The following C2CD3 variants were observed in gnomAD, a reference collection of about 807,000 sequenced individuals.
The protein encoded by C2CD3 is C2 domain-containing protein 3.
A neutral mutation model predicts 234.0 loss-of-function variants in C2CD3; 148 were observed. That is an observed-to-expected ratio of 0.63 (90% CI 0.55 to 0.72). The LOEUF is 0.72. Among genes scored for constraint, C2CD3 ranks in the 30% least tolerant of loss-of-function variants. The pLI is 0.00. For synonymous variants in C2CD3, 1,000 were observed against 1,035.4 expected, an observed-to-expected ratio of 0.97 and a Z score of 0.66; for missense variants, 2,577 against 2,811.5, an observed-to-expected ratio of 0.92 and a Z score of 1.89.
At chr11:74,138,676 A>T (rs968446795) in intron 5 of C2CD3, 44 bp downstream of exon 5, 30 of 1,524,278 alleles carry the variant, frequency 2.0e-5, no homozygotes, top group Non-Finnish European at 2.6e-5. Context: ...GAGCAATCCC[A>T]TAAACGTAGT....
chr11:74,139,076 C>T lies in C2CD3; in HGVS notation c.708-109G>A, dbSNP rs1051028118. On this transcript the variant is annotated intron_variant, in intron 4 of 32. Coordinates refer to ENST00000334126, the MANE Select transcript of C2CD3 (RefSeq NM_001286577.2). Reference sequence around the variant, plus strand: ...AGTGGTTTTGGCAAGGTAGTTTGGACCTCAAAAAGCGTGACTTATTTGCAA... The same window carrying T: ...AGTGGTTTTGGCAAGGTAGTTTGGATCTCAAAAAGCGTGACTTATTTGCAA... 6 of 838,980 alleles carry T rather than the reference C, an allele frequency of 7.2e-6. No homozygotes were observed. In the African/African-American group the frequency reaches 1.0e-4, roughly 14 times the overall value. 52.0% of individuals were successfully genotyped at this position (838,980 alleles called of 1,614,324 possible).
intron 15 of C2CD3, 56 bp from the exon 16 acceptor site, chr11:74,098,311 G>C: frequency 6.5e-7 from 1 of 1,542,724 alleles, no homozygotes; most frequent in Non-Finnish European, 8.8e-7. Flanking sequence ...ATGTCATAGA[G>C]TTATTTCTTT....
chr11:74,111,238 T>C (rs1313183551), intron 11 of C2CD3, among the ~76,000 whole-genome samples: 1 of 152,124 alleles, frequency 6.6e-6, no homozygotes, highest in African/African-American at 2.4e-5. Flanking sequence ...ATTCCTAAGA[T>C]ATAATGTTAA....
At position 74,138,997 on chromosome 11, in the gene C2CD3, A is replaced by G. The variant is rs200852782; in HGVS notation, c.708-30T>C. The G allele has an allele frequency of 7.7e-6, 12 of 1,566,260 alleles. No individual in the cohort carries two copies. In the East Asian group the frequency reaches 2.5e-4, roughly 32 times the overall value. On this transcript the variant is annotated intron_variant, in intron 4 of 32. Coordinates refer to ENST00000334126, the MANE Select transcript of C2CD3 (RefSeq NM_001286577.2). ...TTTTTTAAAAAGGGAGAACATCAGC[A>G]ATATATAATCTATTATGGTAACATT...
intron 22 of C2CD3, among the ~76,000 whole-genome samples, chr11:74,083,173 CA>C (rs947411396): frequency 3.8e-4 from 58 of 152,168 alleles, no homozygotes; most frequent in African/African-American, 1.3e-3. Context: ...AGAAACCTGA[CA>C]AAAACAAGAA....
chr11:74,159,063 G>C (rs1178498889), intron 3 of C2CD3, among the ~76,000 whole-genome samples: 2 of 152,060 alleles, frequency 1.3e-5, no homozygotes, highest in Non-Finnish European at 2.9e-5. Flanking sequence ...TACGACAGTG[G>C]TCCCATAAGA....
intron 3 of C2CD3, among the ~76,000 whole-genome samples, chr11:74,151,870 A>G (rs1467453353): frequency 6.6e-6 from 1 of 152,186 alleles, no homozygotes; most frequent in East Asian, 1.9e-4. Context: ...AGAAAAAAAG[A>G]AAATGTACAT....
chr11:74,033,461 G>A lies in C2CD3; in HGVS notation c.6699C>T (p.Ala2233=). 3.3e-6 allele frequency: 5 copies of A among 1,536,208 alleles called. No homozygotes were observed. The highest frequency in any genetic ancestry group is 4.4e-6 in the Non-Finnish European group (5 of 1,146,924). ...TATGGTTTTCCCTTCTGCTCTGGGAGGCTAGATTTAGCGGCAACTTCTTGA... is the reference window on the plus strand; with the variant it reads ...TATGGTTTTCCCTTCTGCTCTGGGAAGCTAGATTTAGCGGCAACTTCTTGA... ...DSFKKLPLNL[A]SQSRRENHKG... The change falls in exon 31 of 33, where the codon GCC becomes GCT. Residue 2233 remains alanine (A), a synonymous_variant. Transcript: ENST00000334126.
chr11:74,085,946 T>C, intron 20 of C2CD3, 60 bp from the exon 21 acceptor site: 1 of 1,492,308 alleles, frequency 6.7e-7, no homozygotes, highest in Non-Finnish European at 9.0e-7. Flanking sequence ...ATCAGCTTGA[T>C]TTTCTAGAAA....
At chr11:74,113,756 G>T in intron 11 of C2CD3, 24 bp downstream of exon 11, 3 of 1,279,232 alleles carry the variant, frequency 2.3e-6, no homozygotes, top group South Asian at 1.2e-5. Context: ...TGTCTAAGGT[G>T]CAGAAAACCA....
chr11:74,128,530 T>C (rs1023174141), intron 7 of C2CD3: 5 of 152,604 alleles, frequency 3.3e-5, no homozygotes, highest in African/African-American at 1.2e-4. Context: ...AGCTGTTTGA[T>C]ACATTTTATT....
At chr11:74,051,710 G>A (rs930879198) in intron 26 of C2CD3, among the ~76,000 whole-genome samples, 1 of 152,100 alleles carries the variant, frequency 6.6e-6, no homozygotes, top group African/African-American at 2.4e-5. Context: ...GACATCCTAA[G>A]TCTGGGTTAG....
At chr11:74,098,280 A>G (rs1359259949) in intron 15 of C2CD3, 25 bp from the exon 16 acceptor site, 2 of 1,607,816 alleles carry the variant, frequency 1.2e-6, no homozygotes, top group Non-Finnish European at 8.5e-7. Context: ...ATTGTGAATA[A>G]GCAAATAACA....
Position 74,028,397 on chromosome 11 carries a change from G to A in C2CD3, c.6811C>T (p.Pro2271Ser). 6.5e-7 allele frequency: 1 copy of A among 1,531,796 alleles called. No individual in the cohort carries two copies. Among genetic ancestry groups the A allele is most frequent in the Non-Finnish European group, 8.7e-7 (1 of 1,143,654 alleles). 94.9% of individuals were successfully genotyped at this position (1,531,796 alleles called of 1,614,324 possible). ...AAGTTGGGCACCACAATGGGCCCTG[G>A]GCTACAATGGTAGTTAAGGGACAAA... ...ETSTKQSLLL[P>S]GPIVVPNFFL... Residue 2271 changes from proline (P) to serine (S), a missense_variant and splice_region_variant, in exon 32 of 33, where the codon CCA (proline) becomes TCA (serine). Coordinates refer to ENST00000334126, the MANE Select transcript of C2CD3 (RefSeq NM_001286577.2).
chr11:74,082,202 G>A (rs575434007), intron 22 of C2CD3, among the ~76,000 whole-genome samples: 1 of 148,256 alleles, frequency 6.7e-6, no homozygotes, highest in East Asian at 2.0e-4. Context: ...TAAATACTCC[G>A]CCTCCCGGGT....
intron 24 of C2CD3, among the ~76,000 whole-genome samples, chr11:74,073,577 A>C (rs1180392100): frequency 7.6e-6 from 1 of 130,766 alleles, no homozygotes; most frequent in Non-Finnish European, 1.6e-5. Flanking sequence ...ACAGAGCAAG[A>C]CTTTGTTTCA....
chr11:74,072,290 G>A (rs1954832295), intron 24 of C2CD3, among the ~76,000 whole-genome samples: 1 of 152,192 alleles, frequency 6.6e-6, no homozygotes, highest in South Asian at 2.1e-4. Context: ...CATTATGGAA[G>A]CTTATAATCC....
At chr11:74,118,422 C>G (rs758585568) in intron 8 of C2CD3, 40 bp from the exon 9 acceptor site, 1 of 1,545,692 alleles carries the variant, frequency 6.5e-7, no homozygotes, top group South Asian at 1.1e-5. Flanking sequence ...ATGACTGCTG[C>G]TTTGGGAATT....
chr11:74,103,359 C>T lies in C2CD3; in HGVS notation c.2352G>A (p.Thr784=), dbSNP rs147082398. ...VAPHPSTFVA[T]PASHNLVNQT... ...GATTGACTAAATTATGGGAGGCTGG[C>T]GTAGCTACGAAGGTTGAAGGATGTG... The change falls in exon 14 of 33, where the codon ACG becomes ACA. Residue 784 remains threonine (T), a synonymous_variant. Coordinates refer to ENST00000334126, the MANE Select transcript of C2CD3 (RefSeq NM_001286577.2). 1,500 of 1,614,138 alleles carry T rather than the reference C, an allele frequency of 9.3e-4. 27 individuals carry two copies. The South Asian group carries it at 0.015, about 17-fold the overall frequency.
Sources: gnomAD v4.1 joint callset for allele counts (sites outside exome capture counted in the v4.1 genomes callset) on GRCh38, gnomAD v4.1.1 for gene constraint, MANE v1.5 for transcripts, NCBI Gene and HGNC (gene_info 2026-07-23, HGNC 2026-07-21) for gene names.